The following MICAL1 variants were observed in gnomAD, a reference collection of about 807,000 sequenced individuals.
The protein encoded by MICAL1 is [F-actin]-monooxygenase MICAL1.
Under a neutral mutation model 131.8 loss-of-function variants are expected in MICAL1, and 95 were observed. The ratio of observed to expected loss-of-function variants is 0.72; its 90% CI spans 0.61 to 0.86. The LOEUF (loss-of-function observed/expected upper bound fraction) is 0.86, where lower values mean the gene tolerates loss of function less well. Among genes scored for constraint, MICAL1 ranks in the 40% least tolerant of loss-of-function variants. The pLI, the probability that MICAL1 is intolerant of heterozygous loss-of-function variation, is 0.00. For missense variants in MICAL1, 1,292 were observed against 1,380.6 expected (o/e 0.94, Z 1.02); for synonymous variants, 546 against 554.2 (o/e 0.99, Z 0.21).
chr6:109,450,479 C>T lies in MICAL1; in HGVS notation c.1012G>A (p.Ala338Thr). The T allele has an allele frequency of 6.2e-7, 1 of 1,613,354 alleles. No homozygotes were observed. ...AGCTTGCCATGGGTGGCAAAGTCAGCAGCTGCCCGGGTAAAGCGCTGCAGA... is the reference window on the plus strand; with the variant it reads ...AGCTTGCCATGGGTGGCAAAGTCAGTAGCTGCCCGGGTAAAGCGCTGCAGA... ...EALQRFTRAA[A>T]DFATHGKLGK... The change falls in exon 8 of 25, where the codon GCT becomes ACT. Residue 338 changes from alanine to threonine, a missense_variant. Physicochemically the swap from Ala to Thr is moderately conservative, Grantham distance 58. Transcript: ENST00000358807.
At chr6:109,455,773 G>C (rs1415834138), upstream of MICAL1, 4 of 980,588 alleles carry the variant, frequency 4.1e-6, no homozygotes, top group East Asian at 4.6e-4. This position sits in a 1 kb window ranked among gnomAD's most constrained non-coding sequence, Gnocchi z 4.7. Context: ...AACCAGGTCT[G>C]AGCGGGTGGG....
intron 6 of MICAL1, 34 bp downstream of exon 6, chr6:109,452,212 G>A (rs374632120): frequency 6.3e-7 from 1 of 1,592,874 alleles, no homozygotes; most frequent in Non-Finnish European, 8.6e-7. Context: ...CAGTCAGGCA[G>A]GGGGAGGGGA....
In MICAL1 at chr6:109,447,416, C is replaced by CA. The variant is rs759075322; in HGVS notation, c.2010dup (p.Glu671Ter). The CA allele has an allele frequency of 2.5e-6, 4 of 1,613,614 alleles. No individual in the cohort carries two copies. The Admixed American group carries it at 6.7e-5, about 27-fold the overall frequency. ...CCAGGCTCTGGGTCAGGTGGCACCT[C>CA]AGTACTTGGGGTCTCGGCCTCCATC... On this transcript the variant is annotated frameshift_variant, in exon 16 of 25. Coordinates refer to ENST00000358807, the MANE Select transcript of MICAL1 (RefSeq NM_022765.4). LOFTEE classifies it high-confidence loss of function.
At chr6:109,445,973 G>T (rs941372459) in intron 19 of MICAL1, 111 bp from the exon 20 acceptor site, 2 of 1,505,018 alleles carry the variant, frequency 1.3e-6, no homozygotes, top group South Asian at 1.3e-5. Flanking sequence ...CTGAATGTAT[G>T]TGTTGGGGCA....
Position 109,453,224 on chromosome 6 carries a change from G to A in MICAL1, c.571+39C>T, listed in dbSNP as rs761925568. ...TTCAGACACTGGCCAAGTTCTTGAT[G>A]GGGGAGGGGGAGATTCCAGGGAGCA... On this transcript the variant is annotated intron_variant, in intron 4 of 24. Transcript: ENST00000358807. 1.0e-5 allele frequency: 15 copies of A among 1,504,522 alleles called. No homozygotes were observed. In the Admixed American group the frequency reaches 1.7e-4, roughly 17 times the overall value. 93.2% of individuals were successfully genotyped at this position (1,504,522 alleles called of 1,614,324 possible).
In MICAL1 at chr6:109,450,442, T is replaced by C. The variant is rs1429288868; in HGVS notation, c.1049A>G (p.Glu350Gly). 1.2e-6 allele frequency: 2 copies of C among 1,613,394 alleles called. No individual in the cohort carries two copies. Among genetic ancestry groups the C allele is most frequent in the Non-Finnish European group, 8.5e-7 (1 of 1,180,000 alleles). ...CTGCCCATGGGCATCCTGGGCAAAC[T>C]CTAGTTTCCCGAGCTTGCCATGGGT... The part of the protein sequence containing the change: ...FATHGKLGKL[E>G]FAQDAHGQPD... The change falls in exon 8 of 25, where the codon GAG becomes GGG. Residue 350 changes from glutamate (E) to glycine (G), a missense_variant. Coordinates refer to ENST00000358807, the MANE Select transcript of MICAL1 (RefSeq NM_022765.4).
rs202149922 is a variant in MICAL1, at chr6:109,452,380, C to T, written c.698G>A (p.Arg233Gln). Residue 233 changes from arginine to glutamine, a missense_variant, in exon 6 of 25, where the codon CGA (arginine) becomes CAA (glutamine). Physicochemically the swap from Arg to Gln is conservative, Grantham distance 43. Transcript: ENST00000358807. Reference protein sequence around the residue: ...VPEGFKVREMRGKLAIGITAN... With the variant: ...VPEGFKVREMQGKLAIGITAN... ...TGTGATGCCAATGGCCAGTTTGCCT[C>T]GCATTTCTCGAACTTTGAAGCCTAG... The T allele has an allele frequency of 9.2e-5, 148 of 1,614,088 alleles. No homozygotes were observed. The highest frequency in any genetic ancestry group is 8.3e-5 in the Admixed American group (5 of 60,032).
At chr6:109,459,816 T>A (rs934250900), upstream of MICAL1, among the ~76,000 whole-genome samples, 4 of 152,152 alleles carry the variant, frequency 2.6e-5, no homozygotes, top group Non-Finnish European at 5.9e-5. Flanking sequence ...TTAACCAAAC[T>A]AAAATTATCT....
chr6:109,445,559 G>C, intron 20 of MICAL1, 30 bp from the exon 21 acceptor site: 1 of 1,607,060 alleles, frequency 6.2e-7, no homozygotes, highest in South Asian at 1.1e-5. Flanking sequence ...GTCAGGGATA[G>C]GGCCTGGGCC....
chr6:109,447,507 G>T, intron 15 of MICAL1, 67 bp from the exon 16 acceptor site: 2 of 1,551,910 alleles, frequency 1.3e-6, no homozygotes, highest in African/African-American at 1.4e-5. Context: ...GATGCGTACA[G>T]ATGAACACAA....
rs1451969518 is a variant in MICAL1, at chr6:109,444,151, G to A, written c.*40C>T. 2 of 1,599,656 alleles carry A rather than the reference G, an allele frequency of 1.3e-6. No individual in the cohort carries two copies. Among genetic ancestry groups the A allele is most frequent in the Middle Eastern group, 2.2e-4 (1 of 4,598 alleles). On this transcript the variant is annotated 3_prime_UTR_variant, in exon 25 of 25. Coordinates refer to ENST00000358807, the MANE Select transcript of MICAL1 (RefSeq NM_022765.4). ...GGGTGGCACTGTGCTGGGGTGAGGT[G>A]CTTTCTTTGTGGGAACGAAAGCAGA...
rs1197211215 is a variant in MICAL1 at position 109,455,116 on chromosome 6, G to A, written c.-44+603C>T. 6.6e-6 allele frequency among the ~76,000 whole-genome samples: 1 copy of A among 151,806 alleles called. No homozygotes were observed. Among genetic ancestry groups the A allele is most frequent in the African/African-American group, 2.4e-5 (1 of 41,328 alleles). On this transcript the variant is annotated intron_variant, in intron 1 of 24. Transcript: ENST00000358807. The surrounding 1 kb of genome is among the most constrained non-coding windows in gnomAD (Gnocchi z 4.7). ...TCCGGAGACAAAGCCTCGCTTTGTC[G>A]CCCCCTCCCACGCCACCTGAAGGGT...
chr6:109,456,626 AAGGGCTGGAG>A (rs567005768), upstream of MICAL1, among the ~76,000 whole-genome samples: 6 of 152,302 alleles, frequency 3.9e-5, no homozygotes, highest in Admixed American at 3.9e-4. Context: ...GTCTGCTGAA[AAGGGCTGGAG>A]AGGCCTTTGG....
rs572670835 is a variant in MICAL1 at position 109,445,385 on chromosome 6, C to G, written c.2787+31G>C. On this transcript the variant is annotated intron_variant, in intron 21 of 24. Transcript: ENST00000358807. ...GATCTCAGTCTCAGAACTTTGACCC[C>G]ATCAGAATTTTGGGAACCCCCGGGC... The G allele has an allele frequency of 2.0e-4, 322 of 1,613,564 alleles. 1 individual carries two copies. In the South Asian group the frequency reaches 3.3e-3, roughly 17 times the overall value.
chr6:109,447,591 C>T (rs1474132231), intron 15 of MICAL1, 90 bp downstream of exon 15: 2 of 1,596,118 alleles, frequency 1.3e-6, no homozygotes, highest in Non-Finnish European at 8.6e-7. Flanking sequence ...GGGTGGGGAA[C>T]AAGACATGGG....
rs759223942 is a variant in MICAL1, at chr6:109,447,407, G to T, written c.2020C>A (p.Pro674Thr). Residue 674 changes from proline to threonine, a missense_variant, in exon 16 of 25, where the codon CCT becomes ACT. By Grantham distance (38) the Pro-to-Thr change is conservative (BLOSUM62 -1). Transcript: ENST00000358807. The part of the protein sequence containing the change: ...EAETPSTEVP[P>T]DPEPGVPLTP... ...AGGGGTACACCAGGCTCTGGGTCAG[G>T]TGGCACCTCAGTACTTGGGGTCTCG... The T allele has an allele frequency of 1.1e-5, 18 of 1,613,830 alleles. No homozygotes were observed. The East Asian group carries it at 3.6e-4, about 32-fold the overall frequency.
In MICAL1 at chr6:109,444,768, C is replaced by T. The variant is rs1242896831; in HGVS notation, c.3012G>A (p.Gln1004=). 1 of 1,614,066 alleles carries T rather than the reference C, an allele frequency of 6.2e-7. No homozygotes were observed. Among genetic ancestry groups the T allele is most frequent in the Admixed American group, 1.7e-5 (1 of 60,010 alleles). Residue 1004 remains glutamine, a synonymous_variant, in exon 24 of 25, where the codon CAG becomes CAA. Coordinates refer to ENST00000358807, the MANE Select transcript of MICAL1 (RefSeq NM_022765.4). ...TVQELNLEEK[Q]WQLDQELRGY... is the part of the protein sequence containing the mutation. ...CTCGTAGCTCCTGGTCCAGCTGCCA[C>T]TGTTTCTCCTCCAGATTCAATTCCT...
chr6:109,444,590 C>T, intron 24 of MICAL1, 135 bp downstream of exon 24: 1 of 1,157,342 alleles, frequency 8.6e-7, no homozygotes, highest in Non-Finnish European at 1.3e-6. Context: ...TTGGAGCCCC[C>T]TCCTCTGGCT....
Position 109,444,909 on chromosome 6 carries a change from CG to C in MICAL1, c.2967del (p.Glu990SerfsTer3), listed in dbSNP as rs1434586214. On this transcript the variant is annotated frameshift_variant, in exon 23 of 25. Transcript: ENST00000358807. LOFTEE classifies it high-confidence loss of function. ...DKKNSLVAEE[A>X]ELMITVQELN... ...CCTTCCCCTTACGTGATCATGAGCT[CG>C]GCCTCCTCAGCCACCAGGCTGTTTT... The C allele has an allele frequency of 2.5e-6, 4 of 1,614,044 alleles. No individual in the cohort carries two copies. The African/African-American group carries it at 4.0e-5, about 16-fold the overall frequency.
Sources: allele counts gnomAD v4.1 joint callset (sites outside exome capture counted in the v4.1 genomes callset), GRCh38; gene constraint gnomAD v4.1.1; non-coding constraint Gnocchi (gnomAD v3.1); transcripts MANE v1.5; gene names NCBI Gene and HGNC (gene_info 2026-07-23, HGNC 2026-07-21).